ELMO1: variants seen among roughly 807,000 people sequenced by gnomAD.
The protein encoded by ELMO1 is engulfment and cell motility protein 1.
Under a neutral mutation model 98.9 loss-of-function variants are expected in ELMO1, and 26 were observed. The observed-to-expected ratio is 0.26, with a 90% CI of 0.19 to 0.36. The LOEUF (loss-of-function observed/expected upper bound fraction) is 0.36. ELMO1 is among the 10% of genes least tolerant of loss of function. ELMO1 has a pLI of 1.00. For missense variants in ELMO1, 627 were observed against 935.2 expected (o/e 0.67, Z 4.30); for synonymous variants, 346 against 346.0 (o/e 1.00, Z 0.00).
chr7:37,155,503 A>AAAAAAAAAATAAT lies in ELMO1; in HGVS notation c.1087-22270_1087-22269insATTATTTTTTTTT, dbSNP rs61189239. Among the ~76,000 whole-genome samples the AAAAAAAAAATAAT allele has an allele frequency of 6.6e-4, 87 of 131,776 alleles. 1 individual carries two copies. The South Asian group carries it at 0.014, about 21-fold the overall frequency. 86.5% of individuals were successfully genotyped at this position (131,776 alleles called of 152,430 possible). On this transcript the variant is annotated intron_variant, in intron 13 of 21. Coordinates refer to ENST00000310758, the MANE Select transcript of ELMO1 (RefSeq NM_014800.11). ...AACGGAAAGCAAAAAAAAAAAAAAA[A>AAAAAAAAAATAAT]AAAAAGCAGGTGTTGCAATCCTGGT...
intron 21 of ELMO1, among the ~76,000 whole-genome samples, chr7:36,857,642 T>C (rs1285424889): frequency 1.3e-5 from 2 of 152,220 alleles, no homozygotes; most frequent in Non-Finnish European, 2.9e-5. Context: ...CCTGTAGTAC[T>C]GATACTGAAT....
intron 15 of ELMO1, among the ~76,000 whole-genome samples, chr7:37,071,635 C>G (rs886382106): frequency 6.6e-6 from 1 of 152,056 alleles, no homozygotes; most frequent in African/African-American, 2.4e-5. Context: ...TAAGTACATT[C>G]AACAAGTAAG....
intron 16 of ELMO1, among the ~76,000 whole-genome samples, chr7:36,993,757 C>G (rs982624218): frequency 4.6e-5 from 7 of 152,178 alleles, no homozygotes; most frequent in African/African-American, 1.7e-4. Context: ...GGGCAATAAC[C>G]AATCCATGTA....
intron 15 of ELMO1, among the ~76,000 whole-genome samples, chr7:37,064,722 C>T (rs1300863927): frequency 6.6e-6 from 1 of 152,138 alleles, no homozygotes; most frequent in African/African-American, 2.4e-5. Context: ...GCCAATCTCC[C>T]CGTAAGTACT....
intron 21 of ELMO1, among the ~76,000 whole-genome samples, chr7:36,859,220 A>C (rs1473714850): frequency 6.6e-6 from 1 of 152,244 alleles, no homozygotes; most frequent in African/African-American, 2.4e-5. Context: ...AAAAAAACAC[A>C]AATGAGACAA....
At chr7:37,087,260 G>A (rs751787231) in intron 15 of ELMO1, among the ~76,000 whole-genome samples, 15 of 152,006 alleles carry the variant, frequency 9.9e-5, no homozygotes, top group Non-Finnish European at 1.9e-4. Flanking sequence ...TAAAATATTT[G>A]TTTCTATCGA....
At chr7:37,443,877 C>T (rs1234502913) in intron 1 of ELMO1, among the ~76,000 whole-genome samples, 1 of 152,146 alleles carries the variant, frequency 6.6e-6, no homozygotes, top group Non-Finnish European at 1.5e-5. Flanking sequence ...CCTTCATGAT[C>T]CTTTTATTAT....
intron 13 of ELMO1, among the ~76,000 whole-genome samples, chr7:37,149,902 T>C (rs189786140): frequency 2.6e-4 from 40 of 152,338 alleles, no homozygotes; most frequent in African/African-American, 9.4e-4. Context: ...CCCTGGATAC[T>C]GTAATGATTT....
rs996270430 is a variant in ELMO1, at chr7:36,870,102, G to T, written c.1905+291C>A. Among the ~76,000 whole-genome samples the T allele has an allele frequency of 6.6e-6, 1 of 152,174 alleles. No individual in the cohort carries two copies. Among genetic ancestry groups the T allele is most frequent in the Non-Finnish European group, 1.5e-5 (1 of 68,040 alleles). On this transcript the variant is annotated intron_variant, in intron 20 of 21. Coordinates refer to ENST00000310758, the MANE Select transcript of ELMO1 (RefSeq NM_014800.11). The surrounding 1 kb of genome is among the most constrained non-coding windows in gnomAD (Gnocchi z 4.4). ...AGGGAATGGACGGATGAGCAGAGCG[G>T]GCTCAAGAGAGGACAAAGTGACAAT...
chr7:37,267,031 G>GTA (rs1163366382), intron 5 of ELMO1, among the ~76,000 whole-genome samples: 3,900 of 26,488 alleles, frequency 0.15, 398 homozygotes, highest in Middle Eastern at 0.3. Flanking sequence ...AAAAAAATAT[G>GTA]TATATATACA....
rs781145378 is a variant in ELMO1, at chr7:37,096,626, G to C, written c.1293C>G (p.Gly431=). ...TKMLCEILKV[G]ELPSETCNDF... ...GGAAATAAGTATACTTACGCAACTC[G>C]CCCACTTTCAAGATCTCACATAGCA... The change falls in exon 15 of 22, where the codon GGC becomes GGG. Residue 431 remains glycine, a synonymous_variant. Transcript: ENST00000310758. 6.2e-6 allele frequency: 10 copies of C among 1,613,810 alleles called. No individual in the cohort carries two copies. Among genetic ancestry groups the C allele is most frequent in the Non-Finnish European group, 8.5e-6 (10 of 1,179,796 alleles).
chr7:36,999,967 C>A (rs1792521403), intron 16 of ELMO1, among the ~76,000 whole-genome samples: 1 of 152,174 alleles, frequency 6.6e-6, no homozygotes, highest in Non-Finnish European at 1.5e-5. Flanking sequence ...CTTTTACTCA[C>A]AGCCTTTTTT....
chr7:37,186,299 A>G (rs368503607), intron 13 of ELMO1, among the ~76,000 whole-genome samples: 2 of 152,190 alleles, frequency 1.3e-5, no homozygotes, highest in East Asian at 3.8e-4. Flanking sequence ...GCCATACACA[A>G]TTAACTCAAA....
chr7:36,880,060 T>C (rs974700153), intron 18 of ELMO1, among the ~76,000 whole-genome samples: 1 of 152,214 alleles, frequency 6.6e-6, no homozygotes, highest in Non-Finnish European at 1.5e-5. Context: ...CCACGGATAC[T>C]TTCCCCTGCC....
At chr7:36,950,010 C>A (rs541295096) in intron 16 of ELMO1, among the ~76,000 whole-genome samples, 1 of 152,228 alleles carries the variant, frequency 6.6e-6, no homozygotes. Context: ...GGAGTTCCCT[C>A]GTGCTGTGTT....
At chr7:36,953,033 G>A (rs1330570221) in intron 16 of ELMO1, among the ~76,000 whole-genome samples, 4 of 144,668 alleles carry the variant, frequency 2.8e-5, no homozygotes, top group East Asian at 4.1e-4. Context: ...GTACAGTGGC[G>A]CGATCTCGGC....
At chr7:37,080,189 G>A (rs1797788656) in intron 15 of ELMO1, among the ~76,000 whole-genome samples, 1 of 152,034 alleles carries the variant, frequency 6.6e-6, no homozygotes, top group Non-Finnish European at 1.5e-5. Flanking sequence ...TTACAGTACT[G>A]CCACTGCTAA....
At chr7:37,092,471 C>A (rs984477408) in intron 15 of ELMO1, among the ~76,000 whole-genome samples, 17 of 150,592 alleles carry the variant, frequency 1.1e-4, no homozygotes, top group African/African-American at 3.7e-4. Flanking sequence ...CTCCGCCTCC[C>A]AGGTTCACAC....
intron 6 of ELMO1, among the ~76,000 whole-genome samples, chr7:37,256,301 C>G (rs1795637663): frequency 6.6e-6 from 1 of 152,104 alleles, no homozygotes; most frequent in Non-Finnish European, 1.5e-5. Flanking sequence ...TTGACCCTTT[C>G]CCGATCACCC....
Sources: allele counts gnomAD v4.1 joint callset (sites outside exome capture counted in the v4.1 genomes callset), GRCh38; gene constraint gnomAD v4.1.1; non-coding constraint Gnocchi (gnomAD v3.1); transcripts MANE v1.5; gene names NCBI Gene and HGNC (gene_info 2026-07-23, HGNC 2026-07-21).